PKD1L1: variants seen among roughly 807,000 people sequenced by gnomAD.
PKD1L1 encodes polycystin-1-like protein 1.
In PKD1L1, 236 loss-of-function variants were observed where a neutral mutation model predicts 323.4. The observed-to-expected ratio is 0.73, with a 90% confidence interval of 0.66 to 0.81. The LOEUF (loss-of-function observed/expected upper bound fraction) is 0.81, where lower values mean the gene tolerates loss of function less well. Among genes scored for constraint, PKD1L1 ranks in the 40% least tolerant of loss-of-function variants. The pLI is 0.00. For missense variants in PKD1L1, 3,320 were observed against 3,508.0 expected (o/e 0.95, Z 1.35); for synonymous variants, 1,344 against 1,335.0 (o/e 1.01, Z -0.15).
chr7:47,858,724 C>T lies in PKD1L1; in HGVS notation c.4311G>A (p.Glu1437=), dbSNP rs1466813907. 6.2e-7 allele frequency: 1 copy of T among 1,614,098 alleles called. No homozygotes were observed. The highest frequency in any genetic ancestry group is 1.3e-5 in the African/African-American group (1 of 75,042). The change falls in exon 27 of 57, where the codon GAG becomes GAA. Residue 1437 remains glutamate, a synonymous_variant. Transcript: ENST00000289672. ...TTCCTTCTTCATGTCGATAGACTTC[C>T]TCCTTCGAGTTTTCTTGCTCAGAGA... ...WEVSEQENSK[E]EVYRHEEGIT...
rs1226707786 is a variant in PKD1L1, at chr7:47,800,663, G to T, written c.8179C>A (p.Leu2727Met). The T allele has an allele frequency of 6.2e-7, 1 of 1,613,998 alleles. No homozygotes were observed. The highest frequency in any genetic ancestry group is 8.5e-7 in the Non-Finnish European group (1 of 1,179,944). ...TGTTTACTTACCATTCCAAAACACA[G>T]TGTGGCAGAGACTATTAAAAGGATC... is the stretch of plus-strand genomic sequence containing the variant. ...FGILLIVSAT[L>M]CFGMLRGFLM... Residue 2727 changes from leucine (L) to methionine (M), a missense_variant, in exon 54 of 57, where the codon CTG becomes ATG. Physicochemically the swap from Leu to Met is conservative, Grantham distance 15. Coordinates refer to ENST00000289672, the MANE Select transcript of PKD1L1 (RefSeq NM_138295.5).
At chr7:47,815,249 G>T in intron 47 of PKD1L1, 85 bp downstream of exon 47, 1 of 1,522,242 alleles carries the variant, frequency 6.6e-7, no homozygotes, top group Non-Finnish European at 8.9e-7. Flanking sequence ...ATGCAGTGCT[G>T]CAGTTCAGCA....
At chr7:47,900,549 T>C (rs1289140600) in intron 13 of PKD1L1, among the ~76,000 whole-genome samples, 2 of 152,010 alleles carry the variant, frequency 1.3e-5, no homozygotes, top group East Asian at 1.9e-4. Context: ...ACCAACATGG[T>C]GAAACCCCAT....
Position 47,827,382 on chromosome 7 carries a change from C to G in PKD1L1, c.6822G>C (p.Met2274Ile). 6.2e-7 allele frequency: 1 copy of G among 1,613,368 alleles called. No homozygotes were observed. Among genetic ancestry groups the G allele is most frequent in the Non-Finnish European group, 8.5e-7 (1 of 1,179,820 alleles). The change falls in exon 45 of 57, where the codon ATG (methionine) becomes ATC (isoleucine). Residue 2274 changes from methionine to isoleucine, a missense_variant. Transcript: ENST00000289672. ...CAGCCCGTGTGCGACTCTCTCTCCTCATCCTCTGTCTGGTGCCCCTCAGCT... is the reference window on the plus strand; with the variant it reads ...CAGCCCGTGTGCGACTCTCTCTCCTGATCCTCTGTCTGGTGCCCCTCAGCT... ...KAQLRGTRQRMRRESRTRAAL... is the reference protein window; with the variant it reads ...KAQLRGTRQRIRRESRTRAAL...
At chr7:47,848,208 T>C (rs1163619537) in intron 31 of PKD1L1, among the ~76,000 whole-genome samples, 10 of 152,120 alleles carry the variant, frequency 6.6e-5, no homozygotes, top group Admixed American at 4.6e-4. Flanking sequence ...AGGAACAGCC[T>C]ATCTAGGAAT....
Position 47,904,469 on chromosome 7 carries a change from T to C in PKD1L1, c.1840A>G (p.Ile614Val). Reference protein sequence around the residue: ...VNASVAFECWINFGTDVAYLW... With the variant: ...VNASVAFECWVNFGTDVAYLW... ...TAGGCAACATCTGTGCCGAAGTTGA[T>C]CCAGCACTCAAAGGCCACACTGGCA... Residue 614 changes from isoleucine to valine, a missense_variant, in exon 12 of 57, where the codon ATC becomes GTC. Coordinates refer to ENST00000289672, the MANE Select transcript of PKD1L1 (RefSeq NM_138295.5). The C allele has an allele frequency of 1.2e-6, 2 of 1,614,088 alleles. No homozygotes were observed. The highest frequency in any genetic ancestry group is 1.7e-6 in the Non-Finnish European group (2 of 1,180,008).
intron 56 of PKD1L1, among the ~76,000 whole-genome samples, chr7:47,781,094 C>T (rs1295032776): frequency 6.6e-6 from 1 of 152,152 alleles, no homozygotes; most frequent in East Asian, 1.9e-4. Context: ...TTTAGTCTTT[C>T]TAAGGTATGT....
chr7:47,807,073 A>G (rs928947536), intron 52 of PKD1L1, among the ~76,000 whole-genome samples: 7 of 152,072 alleles, frequency 4.6e-5, no homozygotes, highest in Non-Finnish European at 1.0e-4. Flanking sequence ...CTGGCTCACC[A>G]TGCAGCCCAG....
Position 47,827,358 on chromosome 7 carries a change from A to G in PKD1L1, c.6846T>C (p.Ala2282=). 6.2e-7 allele frequency: 1 copy of G among 1,611,084 alleles called. No homozygotes were observed. Among genetic ancestry groups the G allele is most frequent in the East Asian group, 2.2e-5 (1 of 44,754 alleles). ...CAGAAGCCGCCACCCACCTCAGGGC[A>G]GCCCGTGTGCGACTCTCTCTCCTCA... ...QRMRRESRTR[A]ALRDISMDIL... is the part of the protein sequence containing the mutation. Residue 2282 remains alanine, a synonymous_variant, in exon 45 of 57, where the codon GCT becomes GCC. Coordinates refer to ENST00000289672, the MANE Select transcript of PKD1L1 (RefSeq NM_138295.5).
At chr7:47,956,810 T>A in the PKD1L1 span, 1 of 155,512 alleles carries the variant, frequency 6.4e-6, no homozygotes, top group East Asian at 1.9e-4. Context: ...CAGGAACTGA[T>A]AACCAAATGA....
At chr7:47,876,843 G>A (rs1242595592) in intron 22 of PKD1L1, among the ~76,000 whole-genome samples, 5 of 151,946 alleles carry the variant, frequency 3.3e-5, no homozygotes, top group African/African-American at 4.8e-5. Context: ...GCAATGGCGC[G>A]ATCTCGGCTC....
Position 47,828,604 on chromosome 7 carries a change from G to A in PKD1L1, c.6735+821C>T, listed in dbSNP as rs527689263. 8.8e-4 allele frequency among the ~76,000 whole-genome samples: 134 copies of A among 152,276 alleles called. 1 individual carries two copies. The highest frequency in any genetic ancestry group is 3.2e-3 in the African/African-American group (133 of 41,552). ...AGGGATGCTGCCTAATTCATCAGGT[G>A]TTATAAGGAACAAATGATCCGATAA... On this transcript the variant is annotated intron_variant, in intron 44 of 56. Coordinates refer to ENST00000289672, the MANE Select transcript of PKD1L1 (RefSeq NM_138295.5).
At chr7:47,796,658 A>C (rs1784541241) in intron 54 of PKD1L1, among the ~76,000 whole-genome samples, 1 of 152,148 alleles carries the variant, frequency 6.6e-6, no homozygotes, top group African/African-American at 2.4e-5. Context: ...TACTGGTAAC[A>C]AACTCGAATT....
In PKD1L1 at chr7:47,931,945, A is replaced by G; in HGVS notation, c.510T>C (p.Ala170=). The G allele has an allele frequency of 6.2e-7, 1 of 1,612,064 alleles. No individual in the cohort carries two copies. Among genetic ancestry groups the G allele is most frequent in the South Asian group, 1.1e-5 (1 of 90,712 alleles). ...ATGTADSTFS[A]LLQLQGTTSA... is the part of the protein sequence containing the mutation. ...GGGGTTAGATACCAACCTGGAGAAGAGCAGAGAATGTGCTGTCTGCGGTCC... is the reference window on the plus strand; with the variant it reads ...GGGGTTAGATACCAACCTGGAGAAGGGCAGAGAATGTGCTGTCTGCGGTCC... Residue 170 remains alanine (A), a synonymous_variant, in exon 5 of 57, where the codon GCT becomes GCC. Transcript: ENST00000289672.
intron 23 of PKD1L1, among the ~76,000 whole-genome samples, chr7:47,875,677 A>G (rs1562968314): frequency 6.6e-6 from 1 of 152,156 alleles, no homozygotes; most frequent in African/African-American, 2.4e-5. Flanking sequence ...TTTTGAGGTT[A>G]TGTTACTAAC....
chr7:47,836,047 G>C (rs1201990580), intron 37 of PKD1L1, among the ~76,000 whole-genome samples: 1 of 152,214 alleles, frequency 6.6e-6, no homozygotes. Context: ...GAGGCCGACC[G>C]TAGGTTTCCT....
intron 3 of PKD1L1, among the ~76,000 whole-genome samples, chr7:47,938,168 C>T (rs12537449): frequency 0.27 from 40,980 of 151,980 alleles, 6,404 homozygotes; most frequent in East Asian, 0.46. Context: ...GGTTAACCAA[C>T]GGCCCAGCCC....
chr7:47,857,590 T>C lies in PKD1L1; in HGVS notation c.4590+15A>G. ...AATGGTCATTAGAAGTGGCAGGTCA[T>C]CTGTCAGCTTGTACCTGCCCAGGAG... On this transcript the variant is annotated intron_variant, in intron 28 of 56. Coordinates refer to ENST00000289672, the MANE Select transcript of PKD1L1 (RefSeq NM_138295.5). 1 of 1,600,220 alleles carries C rather than the reference T, an allele frequency of 6.2e-7. No individual in the cohort carries two copies. Among genetic ancestry groups the C allele is most frequent in the Non-Finnish European group, 8.6e-7 (1 of 1,168,050 alleles).
rs780418719 is a variant in PKD1L1, at chr7:47,790,610, C to T, written c.8526+2017G>A. Among the ~76,000 whole-genome samples the T allele has an allele frequency of 4.1e-4, 63 of 152,172 alleles. 1 individual carries two copies. Among genetic ancestry groups the T allele is most frequent in the Admixed American group, 6.5e-4 (10 of 15,286 alleles). Reference sequence around the variant, plus strand: ...CCTCCCAAAGTGCTGGGATTACAGGCGTGAGTCACCGCACCGGGCCATAAC... The same window carrying T: ...CCTCCCAAAGTGCTGGGATTACAGGTGTGAGTCACCGCACCGGGCCATAAC... On this transcript the variant is annotated intron_variant, in intron 56 of 56. Coordinates refer to ENST00000289672, the MANE Select transcript of PKD1L1 (RefSeq NM_138295.5).
Sources: gnomAD v4.1 joint callset for allele counts (sites outside exome capture counted in the v4.1 genomes callset) on GRCh38, gnomAD v4.1.1 for gene constraint, MANE v1.5 for transcripts, NCBI Gene and HGNC (gene_info 2026-07-23, HGNC 2026-07-21) for gene names.